The following PUM1 variants were observed in gnomAD, a reference collection of about 807,000 sequenced individuals.
PUM1 encodes pumilio RNA binding family member 1.
Under a neutral mutation model 131.8 loss-of-function variants are expected in PUM1, and 13 were observed. The observed-to-expected ratio is 0.10, with a 90% CI of 0.06 to 0.16. PUM1 has a LOEUF of 0.16. Ranked by LOEUF, PUM1 falls within the 10% of genes least tolerant of loss-of-function variation. The pLI, the probability that PUM1 is intolerant of heterozygous loss-of-function variation, is 1.00. For synonymous variants in PUM1, 509 were observed against 556.5 expected (o/e 0.91, Z 1.20); for missense variants, 961 against 1,512.4 (o/e 0.64, Z 6.05).
chr1:31,054,910 G>A (rs941602854), intron 2 of PUM1, among the ~76,000 whole-genome samples: 5 of 152,220 alleles, frequency 3.3e-5, no homozygotes, highest in African/African-American at 4.8e-5. Context: ...GATCTAGAAC[G>A]TGGACACTGG....
intron 3 of PUM1, among the ~76,000 whole-genome samples, chr1:31,026,944 C>CAAAAAAAAAAAAAAAAAAAAAAAA (rs35459131): frequency 1.9e-5 from 2 of 106,520 alleles, no homozygotes; most frequent in Non-Finnish European, 4.2e-5. Flanking sequence ...ACATATACCA[C>CAAAAAAAAAAAAAAAAAAAAAAAA]AAAAAAAAAA....
chr1:31,033,904 T>C (rs1643521823), intron 2 of PUM1, among the ~76,000 whole-genome samples: 1 of 152,136 alleles, frequency 6.6e-6, no homozygotes, highest in Non-Finnish European at 1.5e-5. Flanking sequence ...CCTTCTAAAG[T>C]GCTGGGATTA....
Position 30,936,667 on chromosome 1 carries a change from G to A in PUM1, c.3411C>T (p.Gly1137=). 2 of 1,613,956 alleles carry A rather than the reference G, an allele frequency of 1.2e-6. No homozygotes were observed. Among genetic ancestry groups the A allele is most frequent in the East Asian group, 2.2e-5 (1 of 44,862 alleles). Residue 1137 remains glycine, a synonymous_variant, in exon 21 of 22, where the codon GGC becomes GGT. Coordinates refer to ENST00000426105, the MANE Select transcript of PUM1 (RefSeq NM_001020658.2). Reference sequence around the variant, plus strand: ...CCTTATGCATGACGATCTTCCGCTGGCCTGGCTCCGCCACGTCAATCATCT... The same window carrying A: ...CCTTATGCATGACGATCTTCCGCTGACCTGGCTCCGCCACGTCAATCATCT... The part of the protein sequence containing the change: ...VQKMIDVAEP[G]QRKIVMHKIR...
Position 31,065,472 on chromosome 1 carries a change from G to C in PUM1, c.-12+144C>G, listed in dbSNP as rs961760276. 5.4e-6 allele frequency: 5 copies of C among 930,718 alleles called. No individual in the cohort carries two copies. The African/African-American group carries it at 8.7e-5, about 16-fold the overall frequency. 57.7% of individuals were successfully genotyped at this position (930,718 alleles called of 1,614,324 possible). A position where few individuals can be genotyped will look rare whatever the true frequency, so the allele number is the denominator to read the frequency against. ...CCAAAACATGTACGAGGAACAGCGA[G>C]TGAGAAGCCTCAGCCAGGGCCCCGG... is the stretch of plus-strand genomic sequence containing the variant. On this transcript the variant is annotated intron_variant, in intron 1 of 21. Transcript: ENST00000426105.
Position 30,961,104 on chromosome 1 carries a change from G to A in PUM1, c.2323+3570C>T, listed in dbSNP as rs559947021. On this transcript the variant is annotated intron_variant, in intron 14 of 21. Coordinates refer to ENST00000426105, the MANE Select transcript of PUM1 (RefSeq NM_001020658.2). ...AGCTACTTGGGAGGCTGAGGCAGGA[G>A]AATCACTTGAACCGGGAGGCAGAAG... Among the ~76,000 whole-genome samples, 6 of 152,052 alleles carry A rather than the reference G, an allele frequency of 3.9e-5. No homozygotes were observed. The East Asian group carries it at 1.2e-3, about 29-fold the overall frequency.
intron 5 of PUM1, among the ~76,000 whole-genome samples, chr1:31,005,122 T>C (rs2124507688): frequency 6.6e-6 from 1 of 152,248 alleles, no homozygotes; most frequent in Middle Eastern, 3.4e-3. Flanking sequence ...TTAACACTTC[T>C]CGATCTAGAA....
chr1:30,949,687 A>C (rs1260005486), intron 17 of PUM1, among the ~76,000 whole-genome samples: 1 of 152,128 alleles, frequency 6.6e-6, no homozygotes, highest in East Asian at 1.9e-4. Context: ...GCTTCAGGTC[A>C]ATGTACCAGG....
intron 10 of PUM1, chr1:30,973,203 CG>C (rs1204353642): frequency 2.8e-5 from 4 of 144,748 alleles, no homozygotes; most frequent in Non-Finnish European, 4.6e-5. Flanking sequence ...GTCCAAATAA[CG>C]GGGGGAATTT....
intron 1 of PUM1, among the ~76,000 whole-genome samples, chr1:31,063,380 C>G (rs1338501225): frequency 6.6e-6 from 1 of 151,924 alleles, no homozygotes; most frequent in Non-Finnish European, 1.5e-5. Context: ...TTTAGTTACC[C>G]CTAGTTAAGG....
chr1:31,056,587 C>G (rs1321391350), intron 2 of PUM1, among the ~76,000 whole-genome samples: 2 of 139,966 alleles, frequency 1.4e-5, no homozygotes, highest in African/African-American at 2.6e-5. Context: ...AGCCTTACAG[C>G]TGAAAACCTT....
intron 4 of PUM1, among the ~76,000 whole-genome samples, chr1:31,006,540 C>T (rs1642407691): frequency 6.6e-6 from 1 of 152,180 alleles, no homozygotes; most frequent in Non-Finnish European, 1.5e-5. Flanking sequence ...AAGTTCTCCC[C>T]ATCCCTCTTC....
intron 2 of PUM1, among the ~76,000 whole-genome samples, chr1:31,032,148 G>A (rs949415118): frequency 1.3e-5 from 2 of 152,170 alleles, no homozygotes; most frequent in Admixed American, 1.3e-4. Context: ...GATAAACCAA[G>A]TCATTCTCTC....
intron 5 of PUM1, 122 bp from the exon 6 acceptor site, chr1:30,995,342 C>T (rs1055138992): frequency 1.1e-4 from 120 of 1,044,004 alleles, no homozygotes; most frequent in Middle Eastern, 4.2e-4. Flanking sequence ...CCCTTTCACA[C>T]ATTACAATCT....
chr1:31,020,187 T>A (rs1642971431), intron 3 of PUM1, among the ~76,000 whole-genome samples: 1 of 152,220 alleles, frequency 6.6e-6, no homozygotes, highest in African/African-American at 2.4e-5. Flanking sequence ...TTCCAGTGAT[T>A]AATTCACTTA....
intron 7 of PUM1, among the ~76,000 whole-genome samples, chr1:30,991,507 G>C (rs931086693): frequency 6.6e-6 from 1 of 152,156 alleles, no homozygotes; most frequent in Non-Finnish European, 1.5e-5. Context: ...AAGACCATAA[G>C]CTAATTTCCC....
At chr1:30,967,374 A>C (rs1640664677) in intron 11 of PUM1, 64 bp from the exon 12 acceptor site, 1 of 1,505,008 alleles carries the variant, frequency 6.6e-7, no homozygotes, top group African/African-American at 1.4e-5. Context: ...CTGGGCACCA[A>C]CATATTGTCA....
At chr1:31,003,006 G>T (rs905316247) in intron 5 of PUM1, among the ~76,000 whole-genome samples, 5 of 152,222 alleles carry the variant, frequency 3.3e-5, no homozygotes, top group Non-Finnish European at 7.3e-5. Flanking sequence ...TACCTGAAAA[G>T]TTAAAGTCTC....
At position 30,941,105 on chromosome 1, in the gene PUM1, T is replaced by TA; in HGVS notation, c.3242+45dup. The TA allele has an allele frequency of 2.5e-6, 4 of 1,570,512 alleles. No homozygotes were observed. In the Middle Eastern group the frequency reaches 6.7e-4, roughly 265 times the overall value. On this transcript the variant is annotated intron_variant, in intron 20 of 21. Coordinates refer to ENST00000426105, the MANE Select transcript of PUM1 (RefSeq NM_001020658.2). ...TAAGATAATTATAGTTCAATACTAC[T>TA]AATCCTCTCTTCTGGGAAATAGTCC...
intron 9 of PUM1, among the ~76,000 whole-genome samples, 174 bp downstream of exon 9, chr1:30,979,888 G>C (rs1641291697): frequency 6.6e-6 from 1 of 152,198 alleles, no homozygotes; most frequent in Admixed American, 6.5e-5. Context: ...TTTCAAGTCT[G>C]AGGGGCCTAT....
Sources: gnomAD v4.1 joint callset for allele counts (sites outside exome capture counted in the v4.1 genomes callset) on GRCh38, gnomAD v4.1.1 for gene constraint, MANE v1.5 for transcripts, NCBI Gene and HGNC (gene_info 2026-07-23, HGNC 2026-07-21) for gene names.